The following CCDC152 variants were observed in gnomAD, a reference collection of about 807,000 sequenced individuals.
CCDC152 encodes the protein coiled-coil domain-containing protein 152.
A neutral mutation model predicts 38.1 loss-of-function variants in CCDC152; 37 were observed. The ratio of observed to expected loss-of-function variants is 0.97; its 90% CI spans 0.75 to 1.28. The LOEUF is 1.28. Ranked by LOEUF, CCDC152 falls within the 50% of genes most tolerant of loss-of-function variation. CCDC152 has a pLI of 0.00. For synonymous variants in CCDC152, 83 were observed against 87.1 expected (o/e 0.95, Z 0.26); for missense variants, 259 against 292.1 (o/e 0.89, Z 0.83).
intron 6 of CCDC152, among the ~76,000 whole-genome samples, chr5:42,788,849 C>T (rs1014077120): frequency 1.3e-5 from 2 of 152,034 alleles, no homozygotes; most frequent in African/African-American, 4.8e-5. Context: ...CCTGTAGCTT[C>T]CCATGGACCT....
At chr5:42,785,659 C>A (rs1042321160) in intron 6 of CCDC152, among the ~76,000 whole-genome samples, 1 of 152,054 alleles carries the variant, frequency 6.6e-6, no homozygotes, top group Non-Finnish European at 1.5e-5. Flanking sequence ...ACTTTCAGTA[C>A]TATGTTGAAT....
chr5:42,773,415 C>T (rs779538930), intron 4 of CCDC152, among the ~76,000 whole-genome samples: 8 of 152,124 alleles, frequency 5.3e-5, no homozygotes, highest in African/African-American at 7.2e-5. Context: ...CTTTTTCTAT[C>T]TATAAGTTAA....
At position 42,801,787 on chromosome 5, in the gene CCDC152, G is replaced by C; in HGVS notation, c.*2006G>C. 1.3e-5 allele frequency: 2 copies of C among 159,994 alleles called. No homozygotes were observed. Among genetic ancestry groups the C allele is most frequent in the Non-Finnish European group, 2.7e-5 (2 of 73,478 alleles). 9.9% of individuals were successfully genotyped at this position (159,994 alleles called of 1,614,324 possible). ...CAAAAATTAGCTGGGTGTGGTGTCA[G>C]ATGCCTGTAGTCCCAGCTACTTGTG... On this transcript the variant is annotated 3_prime_UTR_variant, in exon 9 of 9. Coordinates refer to ENST00000361970, the MANE Select transcript of CCDC152 (RefSeq NM_001134848.2).
intron 5 of CCDC152, among the ~76,000 whole-genome samples, chr5:42,781,555 GCA>G (rs767352552): frequency 3.5e-4 from 43 of 123,600 alleles, no homozygotes; most frequent in South Asian, 4.9e-4. Context: ...GCGCGCGCGC[GCA>G]CACACACACA....
Position 42,762,442 on chromosome 5 carries a change from G to A in CCDC152, c.88-1G>A, listed in dbSNP as rs1032697742. ...TAATAAGTATTCTATTTCTTCTACA[G>A]AAAATGGTAGAAACCAATGGAAAGA... is the stretch of plus-strand genomic sequence containing the variant. On this transcript the variant is annotated splice_acceptor_variant, in intron 2 of 8. Coordinates refer to ENST00000361970, the MANE Select transcript of CCDC152 (RefSeq NM_001134848.2). LOFTEE classifies it high-confidence loss of function. 1.4e-6 allele frequency: 2 copies of A among 1,423,560 alleles called. No homozygotes were observed. The highest frequency in any genetic ancestry group is 1.3e-5 in the South Asian group (1 of 78,628). The allele number at this position is 1,423,560 out of a possible 1,614,324, so 88.2% of individuals were successfully genotyped here.
intron 6 of CCDC152, among the ~76,000 whole-genome samples, chr5:42,789,970 C>T (rs370040954): frequency 6.6e-6 from 1 of 152,146 alleles, no homozygotes; most frequent in African/African-American, 2.4e-5. Context: ...GGCAAAAGTT[C>T]TAAATTGGAC....
At chr5:42,795,289 A>G (rs1760059606) in intron 6 of CCDC152, among the ~76,000 whole-genome samples, 1 of 152,216 alleles carries the variant, frequency 6.6e-6, no homozygotes, top group Non-Finnish European at 1.5e-5. Context: ...TAAAGCAAGA[A>G]GCAGTTCTAG....
At chr5:42,792,191 C>G (rs1405027778) in intron 6 of CCDC152, among the ~76,000 whole-genome samples, 1 of 152,168 alleles carries the variant, frequency 6.6e-6, no homozygotes, top group Non-Finnish European at 1.5e-5. Context: ...AACCGGGGTC[C>G]AAATTTTATC....
chr5:42,767,675 A>C (rs1339461871), intron 3 of CCDC152, among the ~76,000 whole-genome samples: 1 of 152,258 alleles, frequency 6.6e-6, no homozygotes, highest in Non-Finnish European at 1.5e-5. Context: ...GCTCCATTGT[A>C]GAAAAATGTG....
intron 4 of CCDC152, among the ~76,000 whole-genome samples, chr5:42,773,221 C>T (rs899814522): frequency 1.8e-4 from 28 of 152,118 alleles, no homozygotes; most frequent in African/African-American, 6.3e-4. Flanking sequence ...TTTTCAGTTA[C>T]AATGAGAGAA....
intron 5 of CCDC152, among the ~76,000 whole-genome samples, chr5:42,781,544 TGCGCGC>T (rs67699328): frequency 1.3e-5 from 2 of 148,818 alleles, no homozygotes; most frequent in Non-Finnish European, 3.0e-5. Flanking sequence ...CTGAGAAAAA[TGCGCGC>T]GCGCGCACAC....
At chr5:42,766,104 G>GA (rs1442174788) in intron 3 of CCDC152, among the ~76,000 whole-genome samples, 3 of 152,126 alleles carry the variant, frequency 2.0e-5, no homozygotes, top group Non-Finnish European at 4.4e-5. Flanking sequence ...ATGGGCAAAA[G>GA]ATTTGAATAG....
chr5:42,758,159 A>T (rs4866957), intron 1 of CCDC152, among the ~76,000 whole-genome samples: 116,006 of 151,664 alleles, frequency 0.76, 44,652 homozygotes, highest in East Asian at 1. Context: ...ACAGCCAAAA[A>T]TCTGAGATTT....
chr5:42,769,666 G>C lies in CCDC152; in HGVS notation c.262+1G>C. On this transcript the variant is annotated splice_donor_variant, in intron 4 of 8. Coordinates refer to ENST00000361970, the MANE Select transcript of CCDC152 (RefSeq NM_001134848.2). LOFTEE classifies it high-confidence loss of function. ...ATTGAATATCAACAGAATTTGAAAG[G>C]TAAGTTAGAAAAAAAAGTAAAATCT... is the stretch of plus-strand genomic sequence containing the variant. 2.0e-6 allele frequency: 3 copies of C among 1,474,488 alleles called. No homozygotes were observed. Among genetic ancestry groups the C allele is most frequent in the South Asian group, 2.8e-5 (2 of 71,654 alleles). 91.3% of individuals were successfully genotyped at this position (1,474,488 alleles called of 1,614,324 possible). A position where few individuals can be genotyped will look rare whatever the true frequency, so the allele number is the denominator to read the frequency against.
chr5:42,767,767 G>A (rs962385784), intron 3 of CCDC152, among the ~76,000 whole-genome samples: 5 of 152,080 alleles, frequency 3.3e-5, no homozygotes, highest in African/African-American at 9.7e-5. Context: ...CTCAATTTAC[G>A]GATTACTGAA....
chr5:42,757,618 G>C (rs987652631), intron 1 of CCDC152, among the ~76,000 whole-genome samples: 1 of 152,300 alleles, frequency 6.6e-6, no homozygotes, highest in East Asian at 1.9e-4. Flanking sequence ...TTCACTGAAA[G>C]GATCTTGACC....
chr5:42,764,444 C>G (rs931827109), intron 3 of CCDC152, among the ~76,000 whole-genome samples: 2 of 152,024 alleles, frequency 1.3e-5, no homozygotes, highest in Non-Finnish European at 2.9e-5. Context: ...TGATATTACC[C>G]TGATACCAAA....
intron 4 of CCDC152, among the ~76,000 whole-genome samples, chr5:42,775,702 A>G (rs963455869): frequency 5.9e-5 from 9 of 152,128 alleles, no homozygotes; most frequent in Non-Finnish European, 1.2e-4. Context: ...ACAGGTAACA[A>G]TTTATTCAAA....
At chr5:42,769,019 C>T (rs1759663303) in intron 3 of CCDC152, among the ~76,000 whole-genome samples, 1 of 152,054 alleles carries the variant, frequency 6.6e-6, no homozygotes, top group African/African-American at 2.4e-5. Flanking sequence ...TCACCTGAGG[C>T]AGGTGGATTA....
Sources: gnomAD v4.1 joint callset for allele counts (sites outside exome capture counted in the v4.1 genomes callset) on GRCh38, gnomAD v4.1.1 for gene constraint, MANE v1.5 for transcripts, NCBI Gene and HGNC (gene_info 2026-07-23, HGNC 2026-07-21) for gene names.